MRC1: variants seen among roughly 807,000 people sequenced by gnomAD.
MRC1 encodes mannose receptor C-type 1.
MRC1 carries 62 observed loss-of-function variants against 102.9 expected under a neutral mutation model. That is an observed-to-expected ratio of 0.60 (90% confidence interval 0.49 to 0.74). The LOEUF (loss-of-function observed/expected upper bound fraction) is 0.74. MRC1 is among the 30% of genes least tolerant of loss of function. MRC1 has a pLI of 0.00. For missense variants in MRC1, 1,237 were observed against 862.8 expected (o/e 1.43, Z -5.43); for synonymous variants, 457 against 298.4 (o/e 1.53, Z -5.48).
chr10:17,822,984 C>G (rs1200518022), intron 1 of MRC1, 90 bp from the exon 2 acceptor site: 4 of 740,028 alleles, frequency 5.4e-6, no homozygotes, highest in Non-Finnish European at 1.0e-5. Flanking sequence ...GAGTTGGAAA[C>G]TTTTGACCTA....
At chr10:17,878,228 A>T (rs1208498094) in intron 18 of MRC1, among the ~76,000 whole-genome samples, 3 of 152,222 alleles carry the variant, frequency 2.0e-5, no homozygotes, top group Non-Finnish European at 2.9e-5. Flanking sequence ...ATCATCTGTC[A>T]GTAAATCATC....
intron 10 of MRC1, chr10:17,862,783 G>A (rs1320326785): frequency 2.6e-5 from 4 of 152,102 alleles, no homozygotes; most frequent in South Asian, 2.1e-4. Context: ...AACTCTCTCC[G>A]TTTCTGGAAA....
chr10:17,813,601 C>G (rs1482177981), intron 1 of MRC1, among the ~76,000 whole-genome samples: 3 of 147,646 alleles, frequency 2.0e-5, no homozygotes, highest in African/African-American at 7.5e-5. Flanking sequence ...GCTGAGCTAA[C>G]TTTTATGCTT....
rs1348377695 is a variant in MRC1, at chr10:17,911,055, A to G, written c.*590A>G. The stretch of plus-strand genomic sequence containing the variant: ...TTGCAAATGTGTTCTTTGTCCTGTT[A>G]TATGTATATCAGGAATACAAGGATG... On this transcript the variant is annotated 3_prime_UTR_variant, in exon 30 of 30. Transcript: ENST00000569591. The G allele has an allele frequency of 1.3e-5, 2 of 158,826 alleles. No individual in the cohort carries two copies. Among genetic ancestry groups the G allele is most frequent in the South Asian group, 1.8e-4 (1 of 5,642 alleles). The allele number at this position is 158,826 out of a possible 1,614,324, so 9.8% of individuals were successfully genotyped here.
intron 22 of MRC1, among the ~76,000 whole-genome samples, chr10:17,893,274 G>T (rs2130708205): frequency 6.6e-6 from 1 of 151,842 alleles, no homozygotes; most frequent in South Asian, 2.1e-4. Flanking sequence ...TCCCACCTCA[G>T]TCTCCTGAGT....
chr10:17,850,764 G>T (rs1205037254), intron 7 of MRC1, among the ~76,000 whole-genome samples: 1 of 152,100 alleles, frequency 6.6e-6, no homozygotes, highest in African/African-American at 2.4e-5. Flanking sequence ...AAACTGATTG[G>T]GGCTGGGGGA....
chr10:17,822,114 G>C (rs1024526831), intron 1 of MRC1, among the ~76,000 whole-genome samples: 7 of 152,142 alleles, frequency 4.6e-5, no homozygotes, highest in Non-Finnish European at 7.3e-5. Flanking sequence ...TTGCCAGCTA[G>C]CAGCTATGTG....
At chr10:17,903,151 T>C (rs1330693331) in intron 26 of MRC1, among the ~76,000 whole-genome samples, 1 of 152,128 alleles carries the variant, frequency 6.6e-6, no homozygotes, top group Non-Finnish European at 1.5e-5. Context: ...AGACAGCACA[T>C]AGTTGGATCT....
chr10:17,881,320 T>C (rs1354245631), intron 21 of MRC1, 139 bp downstream of exon 21: 2 of 667,160 alleles, frequency 3.0e-6, no homozygotes, highest in East Asian at 2.6e-5. Context: ...CAAATGCTTA[T>C]TGAAAACTAT....
intron 9 of MRC1, among the ~76,000 whole-genome samples, chr10:17,858,496 CT>C (rs1170041754): frequency 0.017 from 2,643 of 151,430 alleles, 77 homozygotes; most frequent in African/African-American, 0.06. Flanking sequence ...TGGTGTGATT[CT>C]TTTTTTTTGA....
At chr10:17,897,374 T>C (rs974809659) in intron 23 of MRC1, among the ~76,000 whole-genome samples, 1 of 152,282 alleles carries the variant, frequency 6.6e-6, no homozygotes, top group Non-Finnish European at 1.5e-5. Flanking sequence ...GCTGAAGTGA[T>C]TTGGCTTGTA....
chr10:17,845,140 T>C, intron 5 of MRC1, 149 bp from the exon 6 acceptor site: 1 of 779,236 alleles, frequency 1.3e-6, no homozygotes, highest in Non-Finnish European at 2.4e-6. Flanking sequence ...TGCTCTGCAG[T>C]CAGTAAATAT....
rs782064471 is a variant in MRC1 at position 17,880,600 on chromosome 10, C to T, written c.2795C>T (p.Thr932Ile). Residue 932 changes from threonine to isoleucine, a missense_variant, in exon 20 of 30, where the codon ACC (threonine) becomes ATC (isoleucine). Coordinates refer to ENST00000569591, the MANE Select transcript of MRC1 (RefSeq NM_002438.4). ...CGACATAACAGTAGTATCAATGCTA[C>T]CACAGTTATGCCTACCATGCCCTCG... Reference protein sequence around the residue: ...CQRHNSSINATTVMPTMPSVP... With the variant: ...CQRHNSSINAITVMPTMPSVP... The T allele has an allele frequency of 7.7e-6, 6 of 780,690 alleles. No homozygotes were observed. In the East Asian group the frequency reaches 1.5e-4, roughly 19 times the overall value. The allele number at this position is 780,690 out of a possible 1,614,324, so 48.4% of individuals were successfully genotyped here.
intron 4 of MRC1, among the ~76,000 whole-genome samples, chr10:17,839,936 G>A (rs1435097693): frequency 3.3e-5 from 5 of 151,636 alleles, no homozygotes; most frequent in Non-Finnish European, 7.4e-5. Flanking sequence ...CGTGGTGGCG[G>A]TCACCTGTAA....
chr10:17,857,692 A>G (rs1409942330), intron 9 of MRC1, among the ~76,000 whole-genome samples: 3 of 152,222 alleles, frequency 2.0e-5, no homozygotes, highest in Non-Finnish European at 4.4e-5. Flanking sequence ...CGGGCTGGGA[A>G]GACTAGGAAA....
intron 9 of MRC1, among the ~76,000 whole-genome samples, chr10:17,859,117 G>A (rs1833141257): frequency 6.6e-6 from 1 of 151,972 alleles, no homozygotes; most frequent in South Asian, 2.1e-4. Flanking sequence ...TCATTGCTAT[G>A]GTTTTCTTTT....
intron 4 of MRC1, among the ~76,000 whole-genome samples, chr10:17,837,515 C>A (rs1301550587): frequency 6.6e-6 from 1 of 151,896 alleles, no homozygotes. Context: ...GAAAATATGC[C>A]ATTAAAATGA....
intron 4 of MRC1, among the ~76,000 whole-genome samples, chr10:17,836,685 A>T (rs1037499904): frequency 6.6e-6 from 1 of 151,946 alleles, no homozygotes; most frequent in African/African-American, 2.4e-5. Flanking sequence ...AAATACAAAA[A>T]ATTAGCTGGG....
chr10:17,878,886 T>G (rs1833473972), intron 18 of MRC1, among the ~76,000 whole-genome samples: 1 of 152,160 alleles, frequency 6.6e-6, no homozygotes, highest in Non-Finnish European at 1.5e-5. Context: ...GGAACGCCAT[T>G]TTATCATTTC....
Sources: allele counts gnomAD v4.1 joint callset (sites outside exome capture counted in the v4.1 genomes callset), GRCh38; gene constraint gnomAD v4.1.1; transcripts MANE v1.5; gene names NCBI Gene and HGNC (gene_info 2026-07-23, HGNC 2026-07-21).